The following PIP5K1C variants were observed in gnomAD, a reference collection of about 807,000 sequenced individuals.
PIP5K1C encodes phosphatidylinositol 4-phosphate 5-kinase type-1 gamma.
A neutral mutation model predicts 80.1 loss-of-function variants in PIP5K1C; 45 were observed. The observed-to-expected ratio is 0.56, with a 90% CI of 0.44 to 0.72. The LOEUF (loss-of-function observed/expected upper bound fraction) is 0.72, where lower values mean the gene tolerates loss of function less well. PIP5K1C is among the 30% of genes least tolerant of loss of function. The pLI is 0.00. For synonymous variants in PIP5K1C, 498 were observed against 420.1 expected, an observed-to-expected ratio of 1.19 and a Z score of -2.27; for missense variants, 753 against 954.6, an observed-to-expected ratio of 0.79 and a Z score of 2.78.
At chr19:3,664,009 G>A (rs1485981672) in intron 3 of PIP5K1C, among the ~76,000 whole-genome samples, 2 of 152,170 alleles carry the variant, frequency 1.3e-5, no homozygotes, top group Non-Finnish European at 2.9e-5. Flanking sequence ...CAGCACGGGC[G>A]CCCCACGCAC....
intron 1 of PIP5K1C, among the ~76,000 whole-genome samples, chr19:3,694,083 A>G (rs956469062): frequency 2.6e-5 from 4 of 151,742 alleles, no homozygotes; most frequent in East Asian, 1.9e-4. Flanking sequence ...GTAGTGGCGG[A>G]CGCCTGTAGT....
rs1212387548 is a variant in PIP5K1C, at chr19:3,656,520, T to C, written c.506A>G (p.Asn169Ser). The change falls in exon 6 of 18, where the codon AAC becomes AGC. Residue 169 changes from asparagine to serine, a missense_variant. By Grantham distance (46) the Asn-to-Ser change is conservative (BLOSUM62 1). Transcript: ENST00000335312. ...LCNEPLIELSNPGASGSLFYV... is the reference protein window; with the variant it reads ...LCNEPLIELSSPGASGSLFYV... ...GAAGAGGGAGCCACTGGCGCCCGGG[T>C]TGGACAGCTCGATCAGCGGCTCATT... is the stretch of plus-strand genomic sequence containing the variant. The C allele has an allele frequency of 3.7e-6, 6 of 1,613,646 alleles. No individual in the cohort carries two copies. In the African/African-American group the frequency reaches 4.0e-5, roughly 11 times the overall value.
chr19:3,686,457 G>A (rs939860854), intron 1 of PIP5K1C, among the ~76,000 whole-genome samples: 2 of 151,352 alleles, frequency 1.3e-5, no homozygotes, highest in South Asian at 2.1e-4. Context: ...AGTGGCTCAC[G>A]TGTGTAATCC....
At position 3,652,037 on chromosome 19, in the gene PIP5K1C, G is replaced by A. The variant is rs150583981; in HGVS notation, c.922-6C>T. 2.4e-3 allele frequency: 3,802 copies of A among 1,612,896 alleles called. 97 individuals carry two copies. The African/African-American group carries it at 0.045, about 19-fold the overall frequency. ...ATCTTGAAACTTTCCAGGACCTGGC[G>A]GGATCGGGCAGGAACACGCCACGCC... On this transcript the variant is annotated splice_region_variant and splice_polypyrimidine_tract_variant and intron_variant, in intron 7 of 17. Transcript: ENST00000335312.
rs1437908790 is a variant in PIP5K1C at position 3,688,976 on chromosome 19, C to T, written c.94+11321G>A. Among the ~76,000 whole-genome samples the T allele has an allele frequency of 4.6e-5, 7 of 152,108 alleles. No homozygotes were observed. The highest frequency in any genetic ancestry group is 4.8e-5 in the African/African-American group (2 of 41,406). ...TGGGGGGTGGGGGGGGCTTGGCGCACGCGGCCTATGGTCTGTGAGCTCCCT... is the reference window on the plus strand; with the variant it reads ...TGGGGGGTGGGGGGGGCTTGGCGCATGCGGCCTATGGTCTGTGAGCTCCCT... On this transcript the variant is annotated intron_variant, in intron 1 of 17. Transcript: ENST00000335312. The surrounding 1 kb of genome is among the most constrained non-coding windows in gnomAD (Gnocchi z 5.3).
intron 7 of PIP5K1C, among the ~76,000 whole-genome samples, chr19:3,652,235 G>A (rs1489474131): frequency 6.6e-6 from 1 of 152,246 alleles, no homozygotes; most frequent in African/African-American, 2.4e-5. Context: ...ATCAGAGCAG[G>A]CCAGAGAATG....
intron 1 of PIP5K1C, among the ~76,000 whole-genome samples, chr19:3,689,849 C>A (rs1568360801): frequency 6.6e-6 from 1 of 152,116 alleles, no homozygotes; most frequent in Non-Finnish European, 1.5e-5. Context: ...ACTCCCCCCC[C>A]ACACACAGAA....
intron 3 of PIP5K1C, among the ~76,000 whole-genome samples, chr19:3,662,401 C>T (rs1169245241): frequency 1.3e-5 from 2 of 152,236 alleles, no homozygotes; most frequent in Non-Finnish European, 2.9e-5. Context: ...ATCACTTTCA[C>T]ATCTGCAGAC....
Position 3,633,508 on chromosome 19 carries a change from T to C in PIP5K1C, c.1933A>G (p.Arg645Gly). 6.7e-7 allele frequency: 1 copy of C among 1,489,800 alleles called. No individual in the cohort carries two copies. Among genetic ancestry groups the C allele is most frequent in the Non-Finnish European group, 9.0e-7 (1 of 1,114,354 alleles). 92.3% of individuals were successfully genotyped at this position (1,489,800 alleles called of 1,614,324 possible). A position where few individuals can be genotyped will look rare whatever the true frequency, so the allele number is the denominator to read the frequency against. Residue 645 changes from arginine to glycine, a missense_variant, in exon 17 of 18, where the codon AGG becomes GGG. By Grantham distance (125) the Arg-to-Gly change is moderately radical (BLOSUM62 -2). Around this residue, in one of 6 missense-constraint regions of PIP5K1C, gnomAD observed 315 missense variants for 294.5 expected, o/e 1.07. Coordinates refer to ENST00000335312, the MANE Select transcript of PIP5K1C (RefSeq NM_012398.3). Reference protein sequence around the residue: ...ATDIYFPTDERSWVYSPLHYS... With the variant: ...ATDIYFPTDEGSWVYSPLHYS... Reference sequence around the variant, plus strand: ...TGGAGCGGGGAGTACACCCAGCTCCTCTCATCGGTGGGCTGGCAGGTGGGC... The same window carrying C: ...TGGAGCGGGGAGTACACCCAGCTCCCCTCATCGGTGGGCTGGCAGGTGGGC...
chr19:3,695,380 C>T (rs1036882776), intron 1 of PIP5K1C, among the ~76,000 whole-genome samples: 5 of 152,228 alleles, frequency 3.3e-5, no homozygotes, highest in African/African-American at 1.2e-4. Flanking sequence ...GAGGGGGCAC[C>T]CAGCTTTCTC....
intron 1 of PIP5K1C, among the ~76,000 whole-genome samples, chr19:3,678,642 GGA>G (rs2035487971): frequency 7.4e-6 from 1 of 135,188 alleles, no homozygotes; most frequent in South Asian, 2.6e-4. Flanking sequence ...AAGGATGGAG[GGA>G]GAGATGGAGA....
chr19:3,693,938 C>T (rs1025253166), intron 1 of PIP5K1C, among the ~76,000 whole-genome samples: 3 of 151,240 alleles, frequency 2.0e-5, no homozygotes, highest in East Asian at 2.0e-4. Context: ...AGAGGCTGGG[C>T]GCGGTGGCTC....
chr19:3,669,085 T>G (rs919949363), intron 1 of PIP5K1C, among the ~76,000 whole-genome samples: 2 of 152,136 alleles, frequency 1.3e-5, no homozygotes, highest in African/African-American at 4.8e-5. Context: ...GCCAGCATCT[T>G]CTCACTCCAT....
In PIP5K1C at chr19:3,661,080, T is replaced by C. The variant is rs1448944300; in HGVS notation, c.354A>G (p.Glu118=). The change falls in exon 5 of 18, where the codon GAA becomes GAG. Residue 118 remains glutamate, a synonymous_variant. Transcript: ENST00000335312. The part of the protein sequence containing the change: ...YVVESIFFPS[E]GSNLTPAHHF... ...GGTGGGCGGGGGTGAGGTTGCTGCC[T>C]TCGCTGTGGAGGAAGGACGGGAGGA... The C allele has an allele frequency of 1.2e-6, 2 of 1,612,378 alleles. No individual in the cohort carries two copies. The highest frequency in any genetic ancestry group is 1.7e-6 in the Non-Finnish European group (2 of 1,178,766).
chr19:3,634,276 G>A (rs532770872), intron 16 of PIP5K1C, among the ~76,000 whole-genome samples: 54 of 152,004 alleles, frequency 3.6e-4, no homozygotes, highest in Non-Finnish European at 5.7e-4. Context: ...CCTCCGTCCC[G>A]CCTCCTGAGG....
intron 5 of PIP5K1C, among the ~76,000 whole-genome samples, chr19:3,658,866 C>T (rs918843998): frequency 2.8e-4 from 42 of 152,322 alleles, no homozygotes; most frequent in Admixed American, 2.2e-3. Flanking sequence ...GGAAGCAGGC[C>T]CCATGCGTGG....
intron 16 of PIP5K1C, 127 bp from the exon 17 acceptor site, chr19:3,633,647 G>T (rs1026125716): frequency 6.7e-6 from 4 of 594,350 alleles, no homozygotes; most frequent in Non-Finnish European, 1.0e-5. Flanking sequence ...GAAGACGAGG[G>T]GTGGCTCAGC....
At chr19:3,677,158 T>C (rs1246678882) in intron 1 of PIP5K1C, among the ~76,000 whole-genome samples, 1 of 151,794 alleles carries the variant, frequency 6.6e-6, no homozygotes, top group East Asian at 1.9e-4. Flanking sequence ...AGCAAAAAGT[T>C]ATGGGAAATG....
At position 3,647,443 on chromosome 19, in the gene PIP5K1C, C is replaced by T. The variant is rs553966418; in HGVS notation, c.1212-57G>A. ...CATCAGCCAAGCCCATGCCAGGCCACCTCACTCAGGGGCCACTGTGCACCC... is the reference window on the plus strand; with the variant it reads ...CATCAGCCAAGCCCATGCCAGGCCATCTCACTCAGGGGCCACTGTGCACCC... On this transcript the variant is annotated intron_variant, in intron 9 of 17. Transcript: ENST00000335312. 4.9e-6 allele frequency: 7 copies of T among 1,437,772 alleles called. No individual in the cohort carries two copies. In the South Asian group the frequency reaches 8.5e-5, roughly 18 times the overall value. 89.1% of individuals were successfully genotyped at this position (1,437,772 alleles called of 1,614,324 possible). A position where few individuals can be genotyped will look rare whatever the true frequency, so the allele number is the denominator to read the frequency against.
Sources: allele counts gnomAD v4.1 joint callset (sites outside exome capture counted in the v4.1 genomes callset), GRCh38; gene constraint gnomAD v4.1.1; regional missense constraint gnomAD v4.1.1; non-coding constraint Gnocchi (gnomAD v3.1); transcripts MANE v1.5; gene names NCBI Gene and HGNC (gene_info 2026-07-23, HGNC 2026-07-21).